CMTM8: variants seen among roughly 807,000 people sequenced by gnomAD.
CMTM8 encodes the protein CKLF like MARVEL transmembrane domain containing 8, also known as CKLF-like MARVEL transmembrane domain-containing protein 8.
In CMTM8, 12 loss-of-function variants were observed where a neutral mutation model predicts 18.6. The ratio of observed to expected loss-of-function variants is 0.65; its 90% CI spans 0.41 to 1.05. The LOEUF is 1.05. CMTM8 is among the 50% of genes least tolerant of loss of function. CMTM8 has a pLI of 0.00. For synonymous variants in CMTM8, 87 were observed against 90.6 expected, an observed-to-expected ratio of 0.96 and a Z score of 0.23; for missense variants, 217 against 227.2, an observed-to-expected ratio of 0.95 and a Z score of 0.29.
intron 1 of CMTM8, among the ~76,000 whole-genome samples, chr3:32,323,386 T>C (rs1356274485): frequency 6.6e-6 from 1 of 152,240 alleles, no homozygotes; most frequent in East Asian, 1.9e-4. Flanking sequence ...TCTTATGTAG[T>C]TTACAAAAAC....
At chr3:32,356,461 GC>G (rs113605515) in intron 1 of CMTM8, among the ~76,000 whole-genome samples, 2 of 152,314 alleles carry the variant, frequency 1.3e-5, no homozygotes, top group African/African-American at 4.8e-5. Flanking sequence ...GTTTCCTTTT[GC>G]TTGATGAAGT....
intron 2 of CMTM8, among the ~76,000 whole-genome samples, chr3:32,360,444 T>C (rs1696901034): frequency 6.6e-6 from 1 of 152,266 alleles, no homozygotes. Context: ...AATACACCTT[T>C]GTAACTTCTC....
intron 1 of CMTM8, among the ~76,000 whole-genome samples, chr3:32,293,794 GAT>G (rs1405844094): frequency 6.6e-6 from 1 of 152,114 alleles, no homozygotes; most frequent in African/African-American, 2.4e-5. Flanking sequence ...GCTGTGAGCT[GAT>G]ATTGTGCCAC....
intron 1 of CMTM8, among the ~76,000 whole-genome samples, chr3:32,245,405 A>G (rs1020435492): frequency 6.6e-6 from 1 of 152,232 alleles, no homozygotes; most frequent in African/African-American, 2.4e-5. Flanking sequence ...ATGTAACATC[A>G]TGTGGAAACC....
At chr3:32,300,272 A>G (rs1301061663) in intron 1 of CMTM8, among the ~76,000 whole-genome samples, 1 of 152,188 alleles carries the variant, frequency 6.6e-6, no homozygotes, top group Non-Finnish European at 1.5e-5. Flanking sequence ...TCTGCAGCAT[A>G]ATTTCCTTCC....
intron 1 of CMTM8, among the ~76,000 whole-genome samples, chr3:32,261,110 C>A (rs916279859): frequency 6.6e-6 from 1 of 150,590 alleles, no homozygotes; most frequent in African/African-American, 2.4e-5. Context: ...TAGTCCCAGA[C>A]ACTTGGGAGG....
At chr3:32,341,809 G>A (rs143642681) in intron 1 of CMTM8, among the ~76,000 whole-genome samples, 2,285 of 152,192 alleles carry the variant, frequency 0.015, 65 homozygotes, top group African/African-American at 0.051. Flanking sequence ...CCCAGGGGTC[G>A]GAGGTTGCAG....
At chr3:32,302,012 A>G (rs1278379378) in intron 1 of CMTM8, among the ~76,000 whole-genome samples, 1 of 151,480 alleles carries the variant, frequency 6.6e-6, no homozygotes, top group African/African-American at 2.4e-5. Context: ...GTGATCACTG[A>G]TTGCTGACTT....
intron 1 of CMTM8, chr3:32,259,847 C>A: frequency 1.2e-6 from 1 of 829,180 alleles, no homozygotes; most frequent in Non-Finnish European, 2.1e-6. Flanking sequence ...ACATGCAGTC[C>A]AGTCCTTGGA....
chr3:32,270,366 C>CT (rs1255548260), intron 1 of CMTM8, among the ~76,000 whole-genome samples: 1 of 152,212 alleles, frequency 6.6e-6, no homozygotes, highest in East Asian at 1.9e-4. Flanking sequence ...CATCCCATTA[C>CT]TGGGTATATA....
intron 1 of CMTM8, among the ~76,000 whole-genome samples, chr3:32,241,934 A>G (rs1006838072): frequency 1.5e-4 from 23 of 152,198 alleles, no homozygotes; most frequent in Non-Finnish European, 2.8e-4. Context: ...TAAGTCTCCT[A>G]TCAAGAAGCT....
rs560246334 is a variant in CMTM8, at chr3:32,365,433, T to G, written c.322-2439T>G. 6.2e-4 allele frequency among the ~76,000 whole-genome samples: 89 copies of G among 142,534 alleles called. No homozygotes were observed. In the South Asian group the frequency reaches 0.018, roughly 29 times the overall value. The allele number at this position is 142,534 out of a possible 152,430, so 93.5% of individuals were successfully genotyped here. On this transcript the variant is annotated intron_variant, in intron 2 of 3. Transcript: ENST00000307526. ...AAACCTTCTGTTTTTGTGTGTGTGT[T>G]TTTGGTTGTTCTTTGTTTGTTTTTG...
intron 1 of CMTM8, among the ~76,000 whole-genome samples, chr3:32,353,279 CAG>C (rs1696750011): frequency 6.6e-6 from 1 of 152,186 alleles, no homozygotes; most frequent in Non-Finnish European, 1.5e-5. Context: ...TAGGCGTGAG[CAG>C]CTGTGCCTGG....
intron 1 of CMTM8, among the ~76,000 whole-genome samples, chr3:32,278,670 A>AT (rs1285704951): frequency 6.6e-6 from 1 of 152,298 alleles, no homozygotes; most frequent in East Asian, 1.9e-4. Flanking sequence ...CCCTTCCCAA[A>AT]TTGAGTTATC....
chr3:32,251,013 A>G (rs948995495), intron 1 of CMTM8, among the ~76,000 whole-genome samples: 1 of 152,212 alleles, frequency 6.6e-6, no homozygotes, highest in African/African-American at 2.4e-5. Context: ...TTGCTGCCAA[A>G]GTTATACAAA....
intron 1 of CMTM8, among the ~76,000 whole-genome samples, chr3:32,356,287 G>C (rs1362237333): frequency 6.6e-6 from 1 of 152,224 alleles, no homozygotes; most frequent in African/African-American, 2.4e-5. Context: ...TGCAGGGCTA[G>C]AGCCCACCCT....
chr3:32,266,166 G>A (rs888964446), intron 1 of CMTM8, among the ~76,000 whole-genome samples: 1 of 152,064 alleles, frequency 6.6e-6, no homozygotes, highest in African/African-American at 2.4e-5. Flanking sequence ...GAGAATTTTA[G>A]ACCAATATCC....
At chr3:32,305,045 T>G (rs1695693541) in intron 1 of CMTM8, among the ~76,000 whole-genome samples, 1 of 152,146 alleles carries the variant, frequency 6.6e-6, no homozygotes, top group Non-Finnish European at 1.5e-5. Flanking sequence ...AATCTAAATC[T>G]CCCTTGGGCG....
intron 1 of CMTM8, among the ~76,000 whole-genome samples, chr3:32,296,561 C>T (rs1559372720): frequency 6.6e-6 from 1 of 152,164 alleles, no homozygotes; most frequent in African/African-American, 2.4e-5. Flanking sequence ...AGCAACAGGT[C>T]CTGCTTCTGG....
Sources: allele counts gnomAD v4.1 joint callset (sites outside exome capture counted in the v4.1 genomes callset), GRCh38; gene constraint gnomAD v4.1.1; transcripts MANE v1.5; gene names NCBI Gene and HGNC (gene_info 2026-07-23, HGNC 2026-07-21).